RP1: variants seen among roughly 807,000 people sequenced by gnomAD.
RP1 encodes oxygen-regulated protein 1.
A neutral mutation model predicts 14.8 loss-of-function variants in RP1; 16 were observed. That is an observed-to-expected ratio of 1.08 (90% confidence interval 0.73 to 1.65). The LOEUF (loss-of-function observed/expected upper bound fraction) is 1.65. Ranked by LOEUF, RP1 falls within the 40% of genes most tolerant of loss-of-function variation. The pLI is 0.00. For missense variants in RP1, 2,631 were observed against 2,535.0 expected, an observed-to-expected ratio of 1.04 and a Z score of -0.81; for synonymous variants, 876 against 883.6, an observed-to-expected ratio of 0.99 and a Z score of 0.15.
chr8:54,812,367 C>T (rs1811019085), intron 24 of RP1, among the ~76,000 whole-genome samples: 1 of 152,154 alleles, frequency 6.6e-6, no homozygotes, highest in Admixed American at 6.5e-5. Context: ...TCTCGAACTC[C>T]TGGCTTCAAA....
intron 1 of RP1, among the ~76,000 whole-genome samples, chr8:54,597,778 A>T (rs1415068028): frequency 6.6e-6 from 1 of 152,200 alleles, no homozygotes; most frequent in African/African-American, 2.4e-5. Context: ...AAATGTCCAG[A>T]ATAGTCAAGT....
chr8:54,693,771 C>T (rs187969226), intron 12 of RP1, among the ~76,000 whole-genome samples: 4,462 of 152,196 alleles, frequency 0.029, 125 homozygotes, highest in African/African-American at 0.066. Flanking sequence ...CAAACATGGA[C>T]AATTTGACTT....
At chr8:54,585,140 G>A (rs558509973) in intron 1 of RP1, among the ~76,000 whole-genome samples, 49 of 152,174 alleles carry the variant, frequency 3.2e-4, no homozygotes, top group African/African-American at 8.2e-4. Flanking sequence ...GGTTGGTACC[G>A]GTTGTTTCCA....
At chr8:54,723,845 T>C (rs538399660) in intron 16 of RP1, among the ~76,000 whole-genome samples, 1 of 152,198 alleles carries the variant, frequency 6.6e-6, no homozygotes, top group Non-Finnish European at 1.5e-5. Context: ...AACCTATCTA[T>C]GTTTTTAGAA....
At chr8:54,695,244 C>T (rs1298610202) in intron 12 of RP1, among the ~76,000 whole-genome samples, 1 of 151,446 alleles carries the variant, frequency 6.6e-6, no homozygotes, top group East Asian at 2.0e-4. Flanking sequence ...TTCTTAAAAT[C>T]GGGACCCTTA....
chr8:54,858,943 G>A (rs991138721), intron 27 of RP1, among the ~76,000 whole-genome samples: 3 of 152,026 alleles, frequency 2.0e-5, no homozygotes, highest in Admixed American at 6.6e-5. Context: ...TCAGTGCACC[G>A]CCATGGCACT....
At chr8:54,785,502 C>T (rs775842416) in intron 24 of RP1, among the ~76,000 whole-genome samples, 5 of 150,560 alleles carry the variant, frequency 3.3e-5, no homozygotes, top group Admixed American at 1.3e-4. Context: ...TTTGTGTGAA[C>T]ATGTTATTGT....
intron 24 of RP1, among the ~76,000 whole-genome samples, chr8:54,804,672 G>A (rs531390089): frequency 6.6e-5 from 10 of 152,230 alleles, no homozygotes; most frequent in Non-Finnish European, 1.0e-4. Context: ...AAGATACTTC[G>A]TAATGTTAAA....
At position 54,787,060 on chromosome 8, in the gene RP1, T is replaced by G. The variant is rs916012856; in HGVS notation, c.3615+3350T>G. Among the ~76,000 whole-genome samples, 8 of 152,286 alleles carry G rather than the reference T, an allele frequency of 5.3e-5. 1 individual carries two copies. The highest frequency in any genetic ancestry group is 6.8e-3 in the Middle Eastern group (2 of 294). Reference sequence around the variant, plus strand: ...TTGAAGAGGAACTTGGTTGTAGGACTTCATAAAAGAAGAGGATTCTAGTTT... The same window carrying G: ...TTGAAGAGGAACTTGGTTGTAGGACGTCATAAAAGAAGAGGATTCTAGTTT... On this transcript the variant is annotated intron_variant, in intron 24 of 28. Transcript: ENST00000637698.
chr8:54,849,229 T>TA (rs536929091), intron 25 of RP1, among the ~76,000 whole-genome samples: 19 of 150,696 alleles, frequency 1.3e-4, no homozygotes, highest in South Asian at 6.3e-4. Flanking sequence ...TTATATAAAT[T>TA]AAAAAAAAAT....
chr8:54,606,517 T>A (rs1266848762), intron 1 of RP1, among the ~76,000 whole-genome samples: 1 of 152,168 alleles, frequency 6.6e-6, no homozygotes. Context: ...GACAATTATG[T>A]GTCTTGGAGT....
At chr8:54,642,532 A>G (rs1806471993) in intron 3 of RP1, among the ~76,000 whole-genome samples, 1 of 152,134 alleles carries the variant, frequency 6.6e-6, no homozygotes, top group South Asian at 2.1e-4. Flanking sequence ...CTGAGATAAT[A>G]GTATCCAAAT....
intron 1 of RP1, among the ~76,000 whole-genome samples, chr8:54,603,748 C>T (rs1050084068): frequency 6.6e-6 from 1 of 152,040 alleles, no homozygotes; most frequent in African/African-American, 2.4e-5. Flanking sequence ...TGAAGAAGTC[C>T]TTCACATCCC....
intron 23 of RP1, chr8:54,781,041 T>G (rs964366537): frequency 6.1e-6 from 6 of 984,658 alleles, no homozygotes; most frequent in Non-Finnish European, 7.2e-6. Flanking sequence ...TTAAAAGTAT[T>G]TTTAACACAA....
exon 24 of RP1, chr8:54,783,666 G>A: frequency 8.1e-7 from 1 of 1,231,494 alleles, no homozygotes; most frequent in Non-Finnish European, 1.0e-6. Flanking sequence ...TTTGGGATCT[G>A]GGAAACACCA....
intron 7 of RP1, among the ~76,000 whole-genome samples, chr8:54,670,192 G>A (rs1807121137): frequency 6.6e-6 from 1 of 151,836 alleles, no homozygotes; most frequent in Non-Finnish European, 1.5e-5. Flanking sequence ...GTTAAGACTT[G>A]TTTGTGAACT....
intron 15 of RP1, among the ~76,000 whole-genome samples, chr8:54,707,296 G>A (rs1204829391): frequency 6.6e-6 from 1 of 151,960 alleles, no homozygotes; most frequent in African/African-American, 2.4e-5. Flanking sequence ...GCTGATTTTT[G>A]TACTTTTTGT....
At chr8:54,862,580 G>A (rs1331714615) in intron 27 of RP1, among the ~76,000 whole-genome samples, 1 of 152,106 alleles carries the variant, frequency 6.6e-6, no homozygotes, top group African/African-American at 2.4e-5. Flanking sequence ...CCACACACAG[G>A]TAACAGCCGC....
intron 24 of RP1, among the ~76,000 whole-genome samples, chr8:54,809,219 A>G (rs1810930501): frequency 6.6e-6 from 1 of 152,226 alleles, no homozygotes; most frequent in Non-Finnish European, 1.5e-5. Flanking sequence ...AGCTCTTTCT[A>G]AAGTTTAGTT....
Sources: allele counts gnomAD v4.1 joint callset (sites outside exome capture counted in the v4.1 genomes callset), GRCh38; gene constraint gnomAD v4.1.1; transcripts MANE v1.5; gene names NCBI Gene and HGNC (gene_info 2026-07-23, HGNC 2026-07-21).